The following CECR2 variants were observed in gnomAD, a reference collection of about 807,000 sequenced individuals.
CECR2 encodes the protein CECR2 histone acetyl-lysine reader.
In CECR2, 30 loss-of-function variants were observed where a neutral mutation model predicts 154.5. The ratio of observed to expected loss-of-function variants is 0.19; its 90% CI spans 0.15 to 0.26. CECR2 has a LOEUF of 0.26. CECR2 is among the 10% of genes least tolerant of loss of function. CECR2 has a pLI of 1.00. For missense variants in CECR2, 1,743 were observed against 1,829.3 expected (o/e 0.95, Z 0.86); for synonymous variants, 725 against 683.7 (o/e 1.06, Z -0.94).
rs767459756 is a variant in CECR2 at position 17,541,870 on chromosome 22, T to C, written c.1916T>C (p.Leu639Pro). The C allele has an allele frequency of 9.3e-6, 15 of 1,613,852 alleles. No homozygotes were observed. Among genetic ancestry groups the C allele is most frequent in the Middle Eastern group, 1.6e-4 (1 of 6,084 alleles). ...RPAVPGTFGP[L>P]RGSDPATLYG... ...GCAGTACCAGGAACATTTGGCCCTC[T>C]GCGAGGATCAGATCCTGCCACCTTG... Residue 639 changes from leucine (L) to proline (P), a missense_variant, in exon 15 of 19, where the codon CTG (leucine) becomes CCG (proline). Transcript: ENST00000262608.
intron 1 of CECR2, among the ~76,000 whole-genome samples, chr22:17,444,802 A>G (rs554308749): frequency 6.6e-6 from 1 of 152,310 alleles, no homozygotes; most frequent in East Asian, 1.9e-4. Context: ...CTCAAAATCA[A>G]AGGGTTAGTA....
At chr22:17,551,051 C>G (rs1295430952) in intron 17 of CECR2, among the ~76,000 whole-genome samples, 1 of 152,236 alleles carries the variant, frequency 6.6e-6, no homozygotes, top group Non-Finnish European at 1.5e-5. Flanking sequence ...ACCCTCTCTA[C>G]TATTTAACAT....
Position 17,556,154 on chromosome 22 carries a change from TTC to T in CECR2, c.*3315_*3316del, listed in dbSNP as rs2056770243. On this transcript the variant is annotated 3_prime_UTR_variant, in exon 19 of 19. Coordinates refer to ENST00000262608, the MANE Select transcript of CECR2 (RefSeq NM_001290047.2). ...TTCCATCCCACCTCTCCGCCTCTCCTTCATCACCAGCCTTCATCAGGTTGGTT... is the reference window on the plus strand; with the variant it reads ...TTCCATCCCACCTCTCCGCCTCTCCTATCACCAGCCTTCATCAGGTTGGTT... 2.9e-5 allele frequency: 1 copy of T among 34,522 alleles called. No individual in the cohort carries two copies. The highest frequency in any genetic ancestry group is 9.3e-5 in the Non-Finnish European group (1 of 10,766). 2.1% of individuals were successfully genotyped at this position (34,522 alleles called of 1,614,324 possible).
chr22:17,539,392 C>T (rs2056486626), intron 13 of CECR2, among the ~76,000 whole-genome samples: 2 of 152,172 alleles, frequency 1.3e-5, no homozygotes, highest in African/African-American at 2.4e-5. Context: ...TCTTTAACCA[C>T]CGAGGGGACT....
chr22:17,471,541 G>GT lies in CECR2; in HGVS notation c.127-6044dup, dbSNP rs201267645. Among the ~76,000 whole-genome samples the GT allele has an allele frequency of 8.5e-3, 1,297 of 152,198 alleles. 17 individuals carry two copies. Among genetic ancestry groups the GT allele is most frequent in the African/African-American group, 0.029 (1,214 of 41,530 alleles). On this transcript the variant is annotated intron_variant, in intron 1 of 18. Transcript: ENST00000262608. ...TATTGTTGTTGTTGTTTGTTTGTTT[G>GT]TTTGATTGTTTCTGAGACACTCTGG...
intron 8 of CECR2, among the ~76,000 whole-genome samples, chr22:17,521,069 C>G (rs1476289965): frequency 5.9e-5 from 9 of 152,138 alleles, no homozygotes; most frequent in African/African-American, 2.2e-4. Context: ...AGCGTAAAAG[C>G]GTTCCTATTT....
Position 17,538,878 on chromosome 22 carries a change from G to A in CECR2, c.1369-115G>A. The A allele has an allele frequency of 2.2e-6, 3 of 1,372,802 alleles. No homozygotes were observed. The South Asian group carries it at 4.2e-5, about 19-fold the overall frequency. The allele number at this position is 1,372,802 out of a possible 1,614,324, so 85.0% of individuals were successfully genotyped here. On this transcript the variant is annotated intron_variant, in intron 12 of 18. Transcript: ENST00000262608. ...TCATGTGATGTTTCTCGTTTTATCT[G>A]TTATTCATTACAGATCAGCATTGCT...
chr22:17,481,216 G>A (rs1201222832), intron 2 of CECR2, among the ~76,000 whole-genome samples: 20 of 150,368 alleles, frequency 1.3e-4, no homozygotes, highest in African/African-American at 3.9e-4. Context: ...GGTGGTGGGC[G>A]CCTGTAGTCC....
intron 2 of CECR2, among the ~76,000 whole-genome samples, chr22:17,480,799 G>A (rs1392119929): frequency 1.3e-5 from 2 of 152,062 alleles, no homozygotes; most frequent in Non-Finnish European, 2.9e-5. Flanking sequence ...CAGCACTTTG[G>A]GAGGCCGAGA....
chr22:17,426,220 C>CA (rs1455056980), intron 1 of CECR2, among the ~76,000 whole-genome samples: 3 of 152,018 alleles, frequency 2.0e-5, no homozygotes, highest in Non-Finnish European at 2.9e-5. Flanking sequence ...CATTATCACA[C>CA]AAAAAAAGAT....
chr22:17,441,297 T>G lies in CECR2; in HGVS notation c.127-36291T>G, dbSNP rs1229526545. 4.6e-5 allele frequency among the ~76,000 whole-genome samples: 7 copies of G among 152,086 alleles called. 1 individual carries two copies. Among genetic ancestry groups the G allele is most frequent in the African/African-American group, 9.7e-5 (4 of 41,402 alleles). On this transcript the variant is annotated intron_variant, in intron 1 of 18. Coordinates refer to ENST00000262608, the MANE Select transcript of CECR2 (RefSeq NM_001290047.2). ...GTGTTGAGGGAGCAAGTATACTGGT[T>G]GTTGTTGGGAATCTGGGATGGCCCT...
In CECR2 at chr22:17,540,482, A is replaced by T. The variant is rs1162249629; in HGVS notation, c.1566A>T (p.Glu522Asp). 9 of 1,604,136 alleles carry T rather than the reference A, an allele frequency of 5.6e-6. No individual in the cohort carries two copies. Among genetic ancestry groups the T allele is most frequent in the South Asian group, 2.2e-5 (2 of 89,368 alleles). ...HRAMMKHFPG[E>D]DGDTDEEFWI... ...CAATGATGAAACATTTTCCTGGAGA[A>T]GATGGAGACACAGATGAAGAATTTT... The change falls in exon 14 of 19, where the codon GAA becomes GAT. Residue 522 changes from glutamate to aspartate, a missense_variant. By Grantham distance (45) the Glu-to-Asp change is conservative (BLOSUM62 2). Around this residue, in one of 4 missense-constraint regions of CECR2, gnomAD observed 103 missense variants for 166.8 expected, o/e 0.62. Coordinates refer to ENST00000262608, the MANE Select transcript of CECR2 (RefSeq NM_001290047.2).
intron 1 of CECR2, chr22:17,419,840 T>C: frequency 2.9e-5 from 8 of 277,200 alleles, no homozygotes; most frequent in Non-Finnish European, 4.3e-5. Context: ...GAGGATTGAG[T>C]TTCGAAAGAA....
intron 1 of CECR2, among the ~76,000 whole-genome samples, chr22:17,360,949 G>A (rs1381199192): frequency 1.3e-5 from 2 of 151,960 alleles, no homozygotes; most frequent in Non-Finnish European, 2.9e-5. Flanking sequence ...GATTGCTTTA[G>A]CCCAGGAATT....
chr22:17,381,725 C>T (rs753798892), intron 1 of CECR2, among the ~76,000 whole-genome samples: 102 of 151,928 alleles, frequency 6.7e-4, no homozygotes, highest in Non-Finnish European at 1.6e-4. Flanking sequence ...TATTGTGAAA[C>T]CTATGTTGTT....
At position 17,389,197 on chromosome 22, in the gene CECR2, A is replaced by G. The variant is rs1368430388; in HGVS notation, c.126+19288A>G. On this transcript the variant is annotated intron_variant, in intron 1 of 18. Coordinates refer to ENST00000262608, the MANE Select transcript of CECR2 (RefSeq NM_001290047.2). ...CAGAATTCCTAAGCTCCCTACCCAGATTCCCCACGTGTTCAGTTTTACACC... is the reference window on the plus strand; with the variant it reads ...CAGAATTCCTAAGCTCCCTACCCAGGTTCCCCACGTGTTCAGTTTTACACC... Among the ~76,000 whole-genome samples the G allele has an allele frequency of 2.0e-5, 3 of 152,066 alleles. No individual in the cohort carries two copies. The East Asian group carries it at 5.8e-4, about 29-fold the overall frequency.
intron 1 of CECR2, among the ~76,000 whole-genome samples, chr22:17,402,596 C>T (rs1220232025): frequency 6.6e-6 from 1 of 152,150 alleles, no homozygotes; most frequent in Admixed American, 6.5e-5. Flanking sequence ...TCTATAAACC[C>T]TCCACCCAGC....
At chr22:17,523,936 C>G (rs964551736) in intron 8 of CECR2, among the ~76,000 whole-genome samples, 182 bp from the exon 9 acceptor site, 3 of 151,976 alleles carry the variant, frequency 2.0e-5, no homozygotes, top group Admixed American at 2.0e-4. Flanking sequence ...TTTGAATCTC[C>G]CTTATGTTTT....
At chr22:17,457,893 A>G (rs1461696478) in intron 1 of CECR2, among the ~76,000 whole-genome samples, 1 of 152,248 alleles carries the variant, frequency 6.6e-6, no homozygotes, top group African/African-American at 2.4e-5. Context: ...AGTGAAAGAA[A>G]GCTAATCTTA....
Sources: gnomAD v4.1 joint callset for allele counts (sites outside exome capture counted in the v4.1 genomes callset) on GRCh38, gnomAD v4.1.1 for gene constraint, gnomAD v4.1.1 regional missense constraint, MANE v1.5 for transcripts, NCBI Gene and HGNC (gene_info 2026-07-23, HGNC 2026-07-21) for gene names.